Variants in FOXN3 observed in about 807,000 individuals in gnomAD.
FOXN3 encodes the protein forkhead box protein N3.
In FOXN3, 7 loss-of-function variants were observed where a neutral mutation model predicts 38.4. That is an observed-to-expected ratio of 0.18 (90% CI 0.10 to 0.34). The LOEUF is 0.34. Among genes scored for constraint, FOXN3 ranks in the 10% least tolerant of loss-of-function variants. The pLI is 1.00. For missense variants in FOXN3, 456 were observed against 613.4 expected (o/e 0.74, Z 2.71); for synonymous variants, 230 against 242.2 (o/e 0.95, Z 0.47).
At chr14:89,526,191 C>G (rs928114640) in intron 1 of FOXN3, among the ~76,000 whole-genome samples, 1 of 152,162 alleles carries the variant, frequency 6.6e-6, no homozygotes, top group Non-Finnish European at 1.5e-5. Flanking sequence ...AATGCTTCCC[C>G]TGTAAGATTA....
At chr14:89,337,604 A>G (rs1389515592) in intron 3 of FOXN3, among the ~76,000 whole-genome samples, 1 of 150,736 alleles carries the variant, frequency 6.6e-6, no homozygotes, top group Non-Finnish European at 1.5e-5. Context: ...GGCCTGCACC[A>G]CCGTCAGCAC....
chr14:89,566,365 T>C (rs2139887062), intron 1 of FOXN3, among the ~76,000 whole-genome samples: 1 of 152,302 alleles, frequency 6.6e-6, no homozygotes, highest in East Asian at 1.9e-4. Flanking sequence ...TCACGCTGGG[T>C]AGAAATTTAG....
intron 1 of FOXN3, among the ~76,000 whole-genome samples, chr14:89,463,862 G>A (rs1352687984): frequency 6.7e-6 from 1 of 149,770 alleles, no homozygotes; most frequent in Non-Finnish European, 1.5e-5. Context: ...TCAGCTCACT[G>A]CAACCTCTGC....
chr14:89,192,791 TAATA>T (rs2087242762), intron 4 of FOXN3, among the ~76,000 whole-genome samples: 2 of 147,028 alleles, frequency 1.4e-5, no homozygotes, highest in African/African-American at 4.9e-5. Flanking sequence ...TTTATATATT[TAATA>T]TATATAAATA....
intron 2 of FOXN3, chr14:89,364,327 AAT>A (rs1384773759): frequency 6.9e-6 from 1 of 145,340 alleles, no homozygotes; most frequent in Non-Finnish European, 1.5e-5. Context: ...CTTGCTCTCT[AAT>A]AGTTTCTTTT....
chr14:89,579,327 G>GA (rs1464591698), intron 1 of FOXN3, among the ~76,000 whole-genome samples: 4 of 145,788 alleles, frequency 2.7e-5, no homozygotes, highest in Non-Finnish European at 6.0e-5. Flanking sequence ...ATTTATTTAT[G>GA]TTTTTTTTTG....
intron 2 of FOXN3, among the ~76,000 whole-genome samples, chr14:89,393,232 C>G (rs1236505008): frequency 6.6e-6 from 1 of 152,206 alleles, no homozygotes. Context: ...TGAGCCACCC[C>G]ACCTGGCCTC....
At chr14:89,325,214 GCAC>G (rs756831446) in intron 3 of FOXN3, among the ~76,000 whole-genome samples, 1 of 140,128 alleles carries the variant, frequency 7.1e-6, no homozygotes, top group African/African-American at 2.7e-5. Flanking sequence ...CAACACACAT[GCAC>G]CACCACCACC....
At chr14:89,336,434 T>C (rs942489233) in intron 3 of FOXN3, among the ~76,000 whole-genome samples, 1 of 152,230 alleles carries the variant, frequency 6.6e-6, no homozygotes, top group Admixed American at 6.5e-5. Context: ...ACAAGTGATA[T>C]GTCATTCTTC....
chr14:89,583,994 C>T (rs760442706), intron 1 of FOXN3, among the ~76,000 whole-genome samples: 9 of 150,212 alleles, frequency 6.0e-5, no homozygotes, highest in Admixed American at 1.3e-4. Context: ...GTAGCTGGGG[C>T]TACAGGCATG....
chr14:89,204,215 C>T (rs1888318553), intron 4 of FOXN3, among the ~76,000 whole-genome samples: 1 of 152,118 alleles, frequency 6.6e-6, no homozygotes, highest in African/African-American at 2.4e-5. Context: ...CCAGTGGAGA[C>T]TTGGGATACT....
At chr14:89,190,507 T>A in intron 4 of FOXN3, 1 of 1,412,338 alleles carries the variant, frequency 7.1e-7, no homozygotes, top group Non-Finnish European at 9.9e-7. Flanking sequence ...TGTGTGTGTG[T>A]TTTTCCCCCT....
intron 1 of FOXN3, among the ~76,000 whole-genome samples, chr14:89,596,351 G>A (rs909060885): frequency 2.6e-5 from 4 of 152,086 alleles, no homozygotes; most frequent in Admixed American, 1.3e-4. Flanking sequence ...TGGCCAGGCT[G>A]GTCTCGAACT....
At chr14:89,375,931 C>A (rs768346214) in intron 2 of FOXN3, among the ~76,000 whole-genome samples, 55 of 152,140 alleles carry the variant, frequency 3.6e-4, no homozygotes, top group Non-Finnish European at 6.8e-4. Flanking sequence ...CAGGTGCCTG[C>A]CACCATGCCT....
intron 3 of FOXN3, among the ~76,000 whole-genome samples, chr14:89,347,274 A>G (rs1786315272): frequency 6.6e-6 from 1 of 152,234 alleles, no homozygotes; most frequent in Admixed American, 6.5e-5. Flanking sequence ...TGTCCTTACA[A>G]GAAGGGAAAA....
At chr14:89,391,037 G>A (rs1350973413) in intron 2 of FOXN3, among the ~76,000 whole-genome samples, 12 of 152,172 alleles carry the variant, frequency 7.9e-5, no homozygotes, top group Non-Finnish European at 1.5e-5. Flanking sequence ...GTCCAGAGGT[G>A]AAGAGGACCG....
intron 3 of FOXN3, among the ~76,000 whole-genome samples, chr14:89,342,624 A>G (rs1475141222): frequency 6.6e-6 from 1 of 152,192 alleles, no homozygotes; most frequent in Non-Finnish European, 1.5e-5. Context: ...ATTTTTTAAC[A>G]AAATATAATG....
intron 4 of FOXN3, among the ~76,000 whole-genome samples, chr14:89,216,081 C>A (rs10139217): frequency 2.0e-5 from 3 of 152,102 alleles, no homozygotes; most frequent in African/African-American, 4.8e-5. Context: ...AGTCCAGTGC[C>A]CTATGGGGCT....
At chr14:89,573,691 T>C (rs1895541254) in intron 1 of FOXN3, among the ~76,000 whole-genome samples, 1 of 152,110 alleles carries the variant, frequency 6.6e-6, no homozygotes, top group East Asian at 1.9e-4. Flanking sequence ...CCAAGCAACA[T>C]GCCAGATAAC....
Sources: gnomAD v4.1 joint callset for allele counts (sites outside exome capture counted in the v4.1 genomes callset) on GRCh38, gnomAD v4.1.1 for gene constraint, MANE v1.5 for transcripts, NCBI Gene and HGNC (gene_info 2026-07-23, HGNC 2026-07-21) for gene names.